NRAP: variants seen among roughly 807,000 people sequenced by gnomAD.
NRAP encodes the protein nebulin related anchoring protein.
Under a neutral mutation model 225.9 loss-of-function variants are expected in NRAP, and 189 were observed. The ratio of observed to expected loss-of-function variants is 0.84; its 90% CI spans 0.74 to 0.94. The LOEUF (loss-of-function observed/expected upper bound fraction) is 0.94. Among genes scored for constraint, NRAP ranks in the 40% least tolerant of loss-of-function variants. The pLI is 0.00. For missense variants in NRAP, 2,176 were observed against 2,168.7 expected, an observed-to-expected ratio of 1.00 and a Z score of -0.07; for synonymous variants, 769 against 790.7, an observed-to-expected ratio of 0.97 and a Z score of 0.46.
intron 16 of NRAP, 23 bp downstream of exon 16, chr10:113,633,061 G>A (rs368786786): frequency 6.6e-5 from 80 of 1,203,830 alleles, no homozygotes; most frequent in Middle Eastern, 2.2e-4. Flanking sequence ...CCCCTCCACC[G>A]TCTCCCCACA....
intron 38 of NRAP, among the ~76,000 whole-genome samples, chr10:113,594,266 C>T (rs1007031124): frequency 1.3e-5 from 2 of 152,174 alleles, no homozygotes; most frequent in African/African-American, 4.8e-5. Flanking sequence ...AGCACTTGAT[C>T]CAATTGTGCG....
chr10:113,589,478 G>A, intron 41 of NRAP, 188 bp downstream of exon 41: 1 of 666,974 alleles, frequency 1.5e-6, no homozygotes, highest in East Asian at 2.7e-5. Flanking sequence ...CCTGCAGGAA[G>A]TTTAACCTGC....
rs766393823 is a variant in NRAP at position 113,621,850 on chromosome 10, A to T, written c.2769+19T>A. Reference sequence around the variant, plus strand: ...CACACACATACACACACAAGTGCACACACTCACACAGAGCTTACATCACTC... The same window carrying T: ...CACACACATACACACACAAGTGCACTCACTCACACAGAGCTTACATCACTC... On this transcript the variant is annotated intron_variant, in intron 24 of 41. Coordinates refer to ENST00000359988, the MANE Select transcript of NRAP (RefSeq NM_198060.4). 6.3e-7 allele frequency: 1 copy of T among 1,588,314 alleles called. No homozygotes were observed. Among genetic ancestry groups the T allele is most frequent in the South Asian group, 1.1e-5 (1 of 86,998 alleles).
chr10:113,624,208 C>T (rs1475088609), intron 22 of NRAP, among the ~76,000 whole-genome samples: 3 of 152,170 alleles, frequency 2.0e-5, no homozygotes, highest in Non-Finnish European at 2.9e-5. Flanking sequence ...ATCTATTTCT[C>T]AGATGAGGAA....
intron 30 of NRAP, among the ~76,000 whole-genome samples, chr10:113,611,013 C>G (rs991344799): frequency 6.6e-6 from 1 of 152,230 alleles, no homozygotes; most frequent in Admixed American, 6.5e-5. Context: ...CCAAAAGAAT[C>G]TGGCAAAGGC....
intron 38 of NRAP, among the ~76,000 whole-genome samples, chr10:113,594,214 T>C (rs1846154423): frequency 6.6e-6 from 1 of 152,092 alleles, no homozygotes; most frequent in Non-Finnish European, 1.5e-5. Flanking sequence ...AATGGCTTTC[T>C]TTGCCCAGGA....
rs3121483 is a variant in NRAP at position 113,646,726 on chromosome 10, C to T, written c.993+197G>A. Among the ~76,000 whole-genome samples the T allele has an allele frequency of 0.55, 84,335 of 152,156 alleles. 24,620 individuals are homozygous for T. The highest frequency in any genetic ancestry group is 0.73 in the East Asian group (3,768 of 5,172). On this transcript the variant is annotated intron_variant, in intron 10 of 41. Coordinates refer to ENST00000359988, the MANE Select transcript of NRAP (RefSeq NM_198060.4). ...AATGGCCTCAAGCGAGCTATGCTGG[C>T]TGTCCGTGTCCATCTCCTTGGAAGC...
chr10:113,591,021 A>G, intron 39 of NRAP, 132 bp from the exon 40 acceptor site: 1 of 691,344 alleles, frequency 1.4e-6, no homozygotes, highest in Non-Finnish European at 2.4e-6. Context: ...CTTTGGATTC[A>G]AATAGACCTA....
chr10:113,591,750 T>G (rs1326621215), intron 39 of NRAP, among the ~76,000 whole-genome samples: 2 of 152,216 alleles, frequency 1.3e-5, no homozygotes, highest in Non-Finnish European at 2.9e-5. Flanking sequence ...GAAAATCAAG[T>G]TCAGAGAATT....
intron 5 of NRAP, 141 bp downstream of exon 5, chr10:113,653,880 G>T: frequency 1.4e-6 from 1 of 692,884 alleles, no homozygotes; most frequent in East Asian, 2.5e-5. Context: ...TGACCCTCCT[G>T]GTTTCAGGGA....
At chr10:113,608,071 C>G (rs1396292692) in intron 32 of NRAP, among the ~76,000 whole-genome samples, 1 of 152,234 alleles carries the variant, frequency 6.6e-6, no homozygotes, top group Non-Finnish European at 1.5e-5. Context: ...CAGACCAGTA[C>G]TTCTCAGATC....
chr10:113,620,978 C>T (rs1847954518), intron 24 of NRAP, among the ~76,000 whole-genome samples: 2 of 152,188 alleles, frequency 1.3e-5, no homozygotes, highest in South Asian at 4.1e-4. Flanking sequence ...CAAGCTTGCC[C>T]CTCATTACGG....
At chr10:113,624,678 A>G in intron 22 of NRAP, 148 bp downstream of exon 22, 1 of 631,370 alleles carries the variant, frequency 1.6e-6, no homozygotes. Flanking sequence ...CAGGAGCCAG[A>G]TCTGCTGGGT....
chr10:113,599,778 CGAA>C lies in NRAP; in HGVS notation c.4228-1708_4228-1706del, dbSNP rs200495642. 8.7e-3 allele frequency among the ~76,000 whole-genome samples: 1,315 copies of C among 151,978 alleles called. 15 individuals are homozygous for C. Among genetic ancestry groups the C allele is most frequent in the African/African-American group, 0.029 (1,217 of 41,328 alleles). ...AGAATCTGCTACCCAAAGATGGTTT[CGAA>C]GAAGGATTATAAGATAATGAGAGAC... On this transcript the variant is annotated intron_variant, in intron 35 of 41. Coordinates refer to ENST00000359988, the MANE Select transcript of NRAP (RefSeq NM_198060.4).
chr10:113,601,042 C>T (rs1846567319), intron 35 of NRAP, among the ~76,000 whole-genome samples: 1 of 152,172 alleles, frequency 6.6e-6, no homozygotes, highest in African/African-American at 2.4e-5. Context: ...CTCCCAGCAG[C>T]CTGGTCTGAG....
chr10:113,601,697 T>A (rs986530120), intron 35 of NRAP, among the ~76,000 whole-genome samples: 1 of 152,256 alleles, frequency 6.6e-6, no homozygotes, highest in Non-Finnish European at 1.5e-5. Flanking sequence ...TGTGAAAATG[T>A]CCTTTCTTTT....
chr10:113,650,325 A>T (rs1296881137), intron 8 of NRAP, 113 bp downstream of exon 8: 2 of 861,290 alleles, frequency 2.3e-6, no homozygotes, highest in Non-Finnish European at 3.8e-6. Context: ...ATAAAGGAAA[A>T]CTACTCCCTG....
intron 18 of NRAP, 22 bp downstream of exon 18, chr10:113,631,487 T>G: frequency 6.8e-7 from 1 of 1,462,614 alleles, no homozygotes; most frequent in Non-Finnish European, 9.5e-7. Flanking sequence ...AGTGAGAGGT[T>G]GGGGGTTAGA....
At chr10:113,620,733 A>T (rs747416782) in intron 24 of NRAP, 25 bp from the exon 25 acceptor site, 4 of 1,536,298 alleles carry the variant, frequency 2.6e-6, no homozygotes, top group African/African-American at 1.4e-5. Flanking sequence ...AGAAAAAAAA[A>T]AAAAGCAGGC....
Sources: allele counts gnomAD v4.1 joint callset (sites outside exome capture counted in the v4.1 genomes callset), GRCh38; gene constraint gnomAD v4.1.1; transcripts MANE v1.5; gene names NCBI Gene and HGNC (gene_info 2026-07-23, HGNC 2026-07-21).